RCBTB1: variants seen among roughly 807,000 people sequenced by gnomAD.
RCBTB1 encodes the protein RCC1 and BTB domain containing protein 1, also known as RCC1 and BTB domain-containing protein 1.
Under a neutral mutation model 62.4 loss-of-function variants are expected in RCBTB1, and 46 were observed. The ratio of observed to expected loss-of-function variants is 0.74; its 90% confidence interval spans 0.58 to 0.94. RCBTB1 has a LOEUF of 0.94. Ranked by LOEUF, RCBTB1 falls within the 40% of genes least tolerant of loss-of-function variation. The pLI is 0.00. For synonymous variants in RCBTB1, 222 were observed against 245.8 expected (o/e 0.90, Z 0.91); for missense variants, 565 against 654.9 (o/e 0.86, Z 1.50).
intron 12 of RCBTB1, among the ~76,000 whole-genome samples, chr13:49,535,952 G>A (rs1414234056): frequency 6.6e-6 from 1 of 151,776 alleles, no homozygotes; most frequent in Non-Finnish European, 1.5e-5. Context: ...GAACCCAGGA[G>A]GCGGAGGTTG....
chr13:49,544,902 G>A, intron 9 of RCBTB1, 39 bp from the exon 10 acceptor site: 1 of 1,547,264 alleles, frequency 6.5e-7, no homozygotes, highest in Non-Finnish European at 8.8e-7. Flanking sequence ...GCAAGTTCAA[G>A]GAACAGATTG....
chr13:49,552,228 G>A lies in RCBTB1; in HGVS notation c.661C>T (p.Gln221Ter). Residue 221 changes from glutamine to a stop codon, truncating the protein, a stop_gained, in exon 7 of 13, where the codon CAG becomes TAG. Transcript: ENST00000378302. LOFTEE classifies it high-confidence loss of function. ...GCTGCCACTCTCACAGGGGTCAGCT[G>A]GTTGCCATTGTTTCCCAGGCCCAGC... ...GQLGLGNNGN[Q>*]LTPVRVAALH... 1 of 1,599,910 alleles carries A rather than the reference G, an allele frequency of 6.3e-7. No individual in the cohort carries two copies. The highest frequency in any genetic ancestry group is 8.5e-7 in the Non-Finnish European group (1 of 1,172,842).
chr13:49,564,450 G>A (rs1376876866), intron 4 of RCBTB1, among the ~76,000 whole-genome samples: 1 of 151,576 alleles, frequency 6.6e-6, no homozygotes, highest in Non-Finnish European at 1.5e-5. Context: ...CCGGGGCGTG[G>A]TGGCACGCGT....
rs538920869 is a variant in RCBTB1, at chr13:49,534,863, G to A, written c.1456-601C>T. Among the ~76,000 whole-genome samples, 13 of 152,156 alleles carry A rather than the reference G, an allele frequency of 8.5e-5. 1 individual carries two copies. Among genetic ancestry groups the A allele is most frequent in the Admixed American group, 7.9e-4 (12 of 15,278 alleles). On this transcript the variant is annotated intron_variant, in intron 12 of 12. Coordinates refer to ENST00000378302, the MANE Select transcript of RCBTB1 (RefSeq NM_018191.4). ...AGCCTGGCCAACATAGGGAAACCCC[G>A]TCTCTAGTAAAACTACAAAAATTAG... is the stretch of plus-strand genomic sequence containing the variant.
At chr13:49,534,834 G>A (rs1959814627) in intron 12 of RCBTB1, among the ~76,000 whole-genome samples, 1 of 152,158 alleles carries the variant, frequency 6.6e-6, no homozygotes, top group Admixed American at 6.5e-5. Context: ...AGGAGTTCGA[G>A]ACCAGCCTGG....
In RCBTB1 at chr13:49,581,376, A is replaced by G. The variant is rs764024050; in HGVS notation, c.-121-792T>C. On this transcript the variant is annotated intron_variant, in intron 1 of 12. Coordinates refer to ENST00000378302, the MANE Select transcript of RCBTB1 (RefSeq NM_018191.4). ...GCAGAAAGGCAGAGCCGAAGATCAC[A>G]GGCAGACGCTGAGCTTGAGTGAGAG... Among the ~76,000 whole-genome samples, 64 of 152,256 alleles carry G rather than the reference A, an allele frequency of 4.2e-4. 1 individual carries two copies. The highest frequency in any genetic ancestry group is 7.2e-4 in the Admixed American group (11 of 15,286).
intron 9 of RCBTB1, among the ~76,000 whole-genome samples, 192 bp downstream of exon 9, chr13:49,549,266 A>T (rs1961110958): frequency 6.6e-6 from 1 of 151,918 alleles, no homozygotes; most frequent in African/African-American, 2.4e-5. Context: ...TATGAGAGAA[A>T]ATTTAAAGTT....
At chr13:49,574,214 G>A (rs1338085500) in intron 2 of RCBTB1, among the ~76,000 whole-genome samples, 1 of 151,960 alleles carries the variant, frequency 6.6e-6, no homozygotes, top group Non-Finnish European at 1.5e-5. Flanking sequence ...CACCTCCCCA[G>A]TTCAAGCAAT....
intron 8 of RCBTB1, among the ~76,000 whole-genome samples, chr13:49,550,853 G>C (rs1295222551): frequency 6.6e-6 from 1 of 152,158 alleles, no homozygotes; most frequent in African/African-American, 2.4e-5. Flanking sequence ...TATAATCCCA[G>C]CACTTTGGGA....
chr13:49,576,712 CCTCA>C (rs1252694284), intron 2 of RCBTB1, among the ~76,000 whole-genome samples: 5 of 152,062 alleles, frequency 3.3e-5, no homozygotes, highest in Admixed American at 1.3e-4. Flanking sequence ...TTCTGAAGTA[CCTCA>C]CTAAGATAGT....
intron 12 of RCBTB1, among the ~76,000 whole-genome samples, chr13:49,534,836 C>G (rs952115802): frequency 5.1e-4 from 77 of 152,114 alleles, no homozygotes; most frequent in Non-Finnish European, 1.0e-3. Context: ...GAGTTCGAGA[C>G]CAGCCTGGCC....
intron 2 of RCBTB1, among the ~76,000 whole-genome samples, chr13:49,578,451 A>G (rs1007601798): frequency 4.6e-5 from 7 of 152,262 alleles, no homozygotes; most frequent in African/African-American, 1.7e-4. Context: ...CAATGACCCC[A>G]GATACCAACA....
intron 4 of RCBTB1, among the ~76,000 whole-genome samples, chr13:49,564,232 T>C (rs1475411093): frequency 3.9e-5 from 6 of 152,174 alleles, no homozygotes; most frequent in Non-Finnish European, 7.3e-5. Context: ...AGATGAAGAT[T>C]TCCCGATTCA....
chr13:49,564,889 T>C (rs2137302655), intron 4 of RCBTB1, among the ~76,000 whole-genome samples: 1 of 132,330 alleles, frequency 7.6e-6, no homozygotes. Context: ...AGACTCCGTC[T>C]CAAAAAAAAA....
intron 2 of RCBTB1, among the ~76,000 whole-genome samples, chr13:49,570,898 C>A (rs1963352990): frequency 6.6e-6 from 1 of 152,184 alleles, no homozygotes. Context: ...ACACAGCAGA[C>A]CCCTCTAATT....
At chr13:49,544,009 T>C (rs1056343957) in intron 10 of RCBTB1, among the ~76,000 whole-genome samples, 2 of 152,202 alleles carry the variant, frequency 1.3e-5, no homozygotes, top group African/African-American at 2.4e-5. Flanking sequence ...CAATTGGTAA[T>C]TGCATGTCCC....
chr13:49,539,076 G>A (rs1050393744), intron 12 of RCBTB1, among the ~76,000 whole-genome samples: 3 of 151,802 alleles, frequency 2.0e-5, no homozygotes, highest in African/African-American at 7.3e-5. Context: ...CACCATGTTG[G>A]CCAGGCTGGT....
chr13:49,566,848 G>C, intron 3 of RCBTB1, 80 bp from the exon 4 acceptor site: 2 of 1,360,720 alleles, frequency 1.5e-6, no homozygotes, highest in Non-Finnish European at 2.0e-6. Context: ...CTGAAAATAA[G>C]ACATTTCAAC....
At chr13:49,539,014 T>A (rs950828315) in intron 12 of RCBTB1, among the ~76,000 whole-genome samples, 2 of 151,616 alleles carry the variant, frequency 1.3e-5, no homozygotes, top group African/African-American at 4.8e-5. Context: ...GGATTACAGG[T>A]ACGCACCACC....
Sources: allele counts gnomAD v4.1 joint callset (sites outside exome capture counted in the v4.1 genomes callset), GRCh38; gene constraint gnomAD v4.1.1; transcripts MANE v1.5; gene names NCBI Gene and HGNC (gene_info 2026-07-23, HGNC 2026-07-21).